The following AOPEP variants were observed in gnomAD, a reference collection of about 807,000 sequenced individuals.
AOPEP encodes aminopeptidase O (putative).
In AOPEP, 77 loss-of-function variants were observed where a neutral mutation model predicts 98.1. That is an observed-to-expected ratio of 0.78 (90% CI 0.65 to 0.95). The LOEUF is 0.95. AOPEP is among the 40% of genes least tolerant of loss of function. The pLI is 0.00. For synonymous variants in AOPEP, 346 were observed against 365.3 expected (o/e 0.95, Z 0.60); for missense variants, 1,024 against 1,024.7 (o/e 1.00, Z 0.01).
At chr9:95,144,815 T>C in the AOPEP span, among the ~76,000 whole-genome samples, 5 of 152,298 alleles carry the variant, frequency 3.3e-5, no homozygotes, top group African/African-American at 1.2e-4. Flanking sequence ...TGTGCTCCAT[T>C]GCGGGTGTTG....
intron 1 of AOPEP, among the ~76,000 whole-genome samples, chr9:94,746,698 A>G (rs1040500528): frequency 6.6e-6 from 1 of 152,200 alleles, no homozygotes; most frequent in African/African-American, 2.4e-5. Context: ...ATTAGGCACC[A>G]AAGAGGAATG....
chr9:94,950,619 A>G (rs753556401), intron 7 of AOPEP, among the ~76,000 whole-genome samples: 45 of 152,336 alleles, frequency 3.0e-4, no homozygotes, highest in Middle Eastern at 3.4e-3. Context: ...AAAGCTGTCA[A>G]ACCTGGTGGG....
intron 5 of AOPEP, among the ~76,000 whole-genome samples, chr9:94,908,968 C>G (rs2051588914): frequency 6.6e-6 from 1 of 152,106 alleles, no homozygotes; most frequent in African/African-American, 2.4e-5. Context: ...GGTGATTAGT[C>G]TTAAAATGTG....
chr9:95,143,478 G>A, the AOPEP span, among the ~76,000 whole-genome samples: 5 of 152,242 alleles, frequency 3.3e-5, no homozygotes, highest in Admixed American at 2.0e-4. Context: ...CTACACTCAG[G>A]TGTGGTGAAA....
intron 13 of AOPEP, among the ~76,000 whole-genome samples, chr9:95,023,479 A>G (rs1251022557): frequency 6.6e-6 from 1 of 152,214 alleles, no homozygotes; most frequent in African/African-American, 2.4e-5. Context: ...CCCTAGTCAA[A>G]TACTGCCTCA....
intron 5 of AOPEP, among the ~76,000 whole-genome samples, chr9:94,832,626 C>G (rs1197351350): frequency 6.6e-6 from 1 of 152,170 alleles, no homozygotes; most frequent in Non-Finnish European, 1.5e-5. Flanking sequence ...AGATGCCCAT[C>G]AGTTTGTGCC....
intron 4 of AOPEP, 135 bp downstream of exon 4, chr9:94,793,053 C>T (rs1200192041): frequency 2.4e-5 from 25 of 1,028,028 alleles, no homozygotes; most frequent in Non-Finnish European, 3.5e-5. Context: ...TTAATCAAAG[C>T]AGGAAAAGCC....
At chr9:95,036,640 C>T (rs2064846734) in intron 13 of AOPEP, among the ~76,000 whole-genome samples, 2 of 151,722 alleles carry the variant, frequency 1.3e-5, no homozygotes, top group African/African-American at 2.4e-5. Flanking sequence ...TTCTCCTCCT[C>T]CTCCCCGCCC....
intron 7 of AOPEP, chr9:94,932,631 G>C (rs1169234952): frequency 5.6e-6 from 1 of 177,814 alleles, no homozygotes; most frequent in Non-Finnish European, 1.1e-5. Context: ...CTGTAGGCAT[G>C]TGCCACTATG....
intron 5 of AOPEP, among the ~76,000 whole-genome samples, chr9:94,803,004 C>A (rs1256312125): frequency 6.6e-6 from 1 of 152,104 alleles, no homozygotes; most frequent in African/African-American, 2.4e-5. Flanking sequence ...CAGCTGGCTA[C>A]TGGGGCCCTG....
At chr9:94,959,369 T>TA (rs1387756016) in intron 9 of AOPEP, among the ~76,000 whole-genome samples, 1 of 152,188 alleles carries the variant, frequency 6.6e-6, no homozygotes, top group Non-Finnish European at 1.5e-5. Flanking sequence ...CAGTCCAACT[T>TA]AATTTTTTTT....
At position 95,003,055 on chromosome 9, in the gene AOPEP, CTG is replaced by C. The variant is rs1290974045; in HGVS notation, c.1978-2099_1978-2098del. ...ATCTGGGTGCTAGGAAGAAAGGAGA[CTG>C]TGTCAGTAGCAGAGCAAGACAGGGT... On this transcript the variant is annotated intron_variant, in intron 11 of 16. Transcript: ENST00000375315. Among the ~76,000 whole-genome samples the C allele has an allele frequency of 2.0e-5, 3 of 152,268 alleles. 1 individual carries two copies. Among genetic ancestry groups the C allele is most frequent in the South Asian group, 4.1e-4 (2 of 4,826 alleles).
At chr9:94,899,929 G>A (rs2050161003) in intron 5 of AOPEP, among the ~76,000 whole-genome samples, 1 of 152,100 alleles carries the variant, frequency 6.6e-6, no homozygotes, top group South Asian at 2.1e-4. Flanking sequence ...CCCCAAGCAG[G>A]TTAATGTGTT....
the AOPEP span, among the ~76,000 whole-genome samples, chr9:95,122,113 C>T: frequency 6.6e-6 from 1 of 152,092 alleles, no homozygotes; most frequent in Admixed American, 6.6e-5. Context: ...CTGCCTCGAC[C>T]TCCCAAAGTG....
intron 5 of AOPEP, among the ~76,000 whole-genome samples, chr9:94,888,837 A>G (rs1588714661): frequency 6.6e-6 from 1 of 152,222 alleles, no homozygotes; most frequent in Non-Finnish European, 1.5e-5. Flanking sequence ...AGACTACAAC[A>G]GTTATACATG....
intron 5 of AOPEP, among the ~76,000 whole-genome samples, chr9:94,803,883 A>G (rs1848691018): frequency 6.6e-6 from 1 of 152,000 alleles, no homozygotes; most frequent in Non-Finnish European, 1.5e-5. Context: ...TTTTTGTTTC[A>G]TTGTGTTTTT....
chr9:94,949,333 A>G (rs1359794423), intron 7 of AOPEP, among the ~76,000 whole-genome samples: 1 of 152,214 alleles, frequency 6.6e-6, no homozygotes, highest in East Asian at 1.9e-4. Context: ...CATTTTCCAC[A>G]GTTCTGCTAA....
chr9:94,923,908 A>G (rs939142176), intron 5 of AOPEP, 78 bp from the exon 6 acceptor site: 2 of 1,003,008 alleles, frequency 2.0e-6, no homozygotes, highest in African/African-American at 1.7e-5. Context: ...TTGCCAGGCT[A>G]GGAAAGCTGC....
At chr9:94,998,081 A>C (rs2061348910) in intron 11 of AOPEP, among the ~76,000 whole-genome samples, 1 of 152,118 alleles carries the variant, frequency 6.6e-6, no homozygotes, top group Non-Finnish European at 1.5e-5. Context: ...AGGGAATATA[A>C]TAATGTCTGC....
Sources: allele counts gnomAD v4.1 joint callset (sites outside exome capture counted in the v4.1 genomes callset), GRCh38; gene constraint gnomAD v4.1.1; transcripts MANE v1.5; gene names NCBI Gene and HGNC (gene_info 2026-07-23, HGNC 2026-07-21).